The following ZNF546 variants were observed in gnomAD, a reference collection of about 807,000 sequenced individuals.
ZNF546 encodes the protein zinc finger protein 546.
ZNF546 carries 60 observed loss-of-function variants against 76.2 expected under a neutral mutation model. The ratio of observed to expected loss-of-function variants is 0.79; its 90% CI spans 0.64 to 0.98. The LOEUF (loss-of-function observed/expected upper bound fraction) is 0.98, where lower values mean the gene tolerates loss of function less well. ZNF546 is among the 50% of genes least tolerant of loss of function. The pLI, the probability that ZNF546 is intolerant of heterozygous loss-of-function variation, is 0.00. For missense variants in ZNF546, 936 were observed against 1,035.6 expected (o/e 0.90, Z 1.32); for synonymous variants, 277 against 328.1 (o/e 0.84, Z 1.68).
At chr19:40,005,145 AGCAGCTGGGATTACAG>A (rs988646361) in intron 3 of ZNF546, among the ~76,000 whole-genome samples, 2 of 150,586 alleles carry the variant, frequency 1.3e-5, no homozygotes, top group African/African-American at 4.9e-5. Flanking sequence ...TAGGCTCCTA[AGCAGCTGGGATTACAG>A]GCATGTGCCA....
Position 39,998,305 on chromosome 19 carries a change from C to T in ZNF546, c.-22C>T, listed in dbSNP as rs1971481082. On this transcript the variant is annotated 5_prime_UTR_variant, in exon 3 of 7. Transcript: ENST00000347077. Reference sequence around the variant, plus strand: ...TGTCCAGTGACCTATCCCAGGCCTTCCTTTCCAGTGAACAATGGACCATGC... The same window carrying T: ...TGTCCAGTGACCTATCCCAGGCCTTTCTTTCCAGTGAACAATGGACCATGC... The T allele has an allele frequency of 6.2e-7, 1 of 1,605,568 alleles. No homozygotes were observed.
At chr19:40,006,540 A>AT (rs1971604517) in intron 4 of ZNF546, among the ~76,000 whole-genome samples, 2 of 152,162 alleles carry the variant, frequency 1.3e-5, no homozygotes, top group African/African-American at 4.8e-5. Flanking sequence ...ACAAAAGTCA[A>AT]TTTTGTGGTT....
chr19:40,000,615 CAAAA>C (rs550470156), intron 3 of ZNF546, among the ~76,000 whole-genome samples: 3 of 56,786 alleles, frequency 5.3e-5, no homozygotes, highest in African/African-American at 1.2e-4. Context: ...GACTCTGTCT[CAAAA>C]AAAAAAAAAA....
intron 3 of ZNF546, chr19:39,998,682 A>C (rs1971487333): frequency 7.2e-6 from 3 of 419,274 alleles, no homozygotes; most frequent in Non-Finnish European, 4.3e-6. Context: ...GGAATCCATG[A>C]GTTGAGATTT....
In ZNF546 at chr19:40,012,201, C is replaced by CCA. The variant is rs149915316; in HGVS notation, c.395-1455_395-1454dup. Among the ~76,000 whole-genome samples the CCA allele has an allele frequency of 6.6e-3, 1,010 of 152,178 alleles. 5 individuals carry two copies. The highest frequency in any genetic ancestry group is 0.012 in the Non-Finnish European group (791 of 67,996). ...CAGAGACAAAGAGAAGGAACAGTAG[C>CCA]CACACACACAGGGCAAATGTAAACA... On this transcript the variant is annotated intron_variant, in intron 6 of 6. Coordinates refer to ENST00000347077, the MANE Select transcript of ZNF546 (RefSeq NM_178544.5).
At chr19:40,013,068 C>A (rs1050454473) in intron 6 of ZNF546, among the ~76,000 whole-genome samples, 1 of 152,202 alleles carries the variant, frequency 6.6e-6, no homozygotes, top group African/African-American at 2.4e-5. Context: ...CTGCCTCAGC[C>A]TCCCAAAGTG....
Position 40,015,778 on chromosome 19 carries a change from G to A in ZNF546, c.2508G>A (p.Met836Ile), listed in dbSNP as rs763276048. The A allele has an allele frequency of 2.3e-5, 37 of 1,612,106 alleles. No individual in the cohort carries two copies. The highest frequency in any genetic ancestry group is 2.9e-5 in the Non-Finnish European group (34 of 1,178,984). The change falls in exon 7 of 7, where the codon ATG (methionine) becomes ATA (isoleucine). Residue 836 changes from methionine (M) to isoleucine (I), a missense_variant. Physicochemically the swap from Met to Ile is conservative, Grantham distance 10. Transcript: ENST00000347077. ...TTAGTGAGGAAGTCCTATGCATAAT[G>A]TAAAGAGAATACGATGGCCTTTAGA... ...NHISEEVLCIM is the reference protein window; with the variant it reads ...NHISEEVLCII
chr19:40,015,658 C>G lies in ZNF546; in HGVS notation c.2388C>G (p.His796Gln), dbSNP rs1275888636. 6.2e-7 allele frequency: 1 copy of G among 1,613,986 alleles called. No individual in the cohort carries two copies. The highest frequency in any genetic ancestry group is 8.5e-7 in the Non-Finnish European group (1 of 1,180,008). Residue 796 changes from histidine to glutamine, a missense_variant, in exon 7 of 7, where the codon CAC becomes CAG. His to Gln is a conservative substitution (Grantham distance 24). Transcript: ENST00000347077. ...FSVNSELTRH[H>Q]RIHTGEKPYQ... is the part of the protein sequence containing the mutation. ...TTAATTCAGAACTTACTCGACATCA[C>G]AGAATTCATACTGGTGAAAAACCCT...
chr19:40,010,742 G>GA (rs1971660348), intron 6 of ZNF546, among the ~76,000 whole-genome samples: 1 of 152,042 alleles, frequency 6.6e-6, no homozygotes, highest in African/African-American at 2.4e-5. Context: ...GAATGCAGTG[G>GA]TGCGACCTCG....
chr19:40,007,321 G>A lies in ZNF546; in HGVS notation c.219G>A (p.Glu73=). Residue 73 remains glutamate, a synonymous_variant, in exon 5 of 7, where the codon GAG becomes GAA. Transcript: ENST00000347077. ...RDVSIDLSQE[E]WECLDAVQRD... is the part of the protein sequence containing the mutation. ...TGTCCATAGACCTCTCCCAAGAGGA[G>A]TGGGAGTGCCTGGACGCTGTGCAGA... 6.2e-7 allele frequency: 1 copy of A among 1,605,736 alleles called. No individual in the cohort carries two copies. Among genetic ancestry groups the A allele is most frequent in the Non-Finnish European group, 8.5e-7 (1 of 1,175,022 alleles).
rs777738641 is a variant in ZNF546 at position 39,998,423 on chromosome 19, A to C, written c.84+13A>C. 1 of 1,603,402 alleles carries C rather than the reference A, an allele frequency of 6.2e-7. No homozygotes were observed. The highest frequency in any genetic ancestry group is 1.3e-5 in the African/African-American group (1 of 74,858). On this transcript the variant is annotated intron_variant, in intron 3 of 6. Transcript: ENST00000347077. ...ACTTTCTATAATGGTAGAGAAATGC[A>C]TATCCTGGAGTCTAAAGTTAAAACT...
At chr19:40,003,308 A>G (rs1248845586) in intron 3 of ZNF546, among the ~76,000 whole-genome samples, 1 of 152,176 alleles carries the variant, frequency 6.6e-6, no homozygotes, top group Admixed American at 6.5e-5. Flanking sequence ...AAGTGCTGGG[A>G]TTACAGGCGT....
rs747751332 is a variant in ZNF546, at chr19:40,015,284, A to C, written c.2014A>C (p.Lys672Gln). The C allele has an allele frequency of 6.2e-7, 1 of 1,614,010 alleles. No homozygotes were observed. The highest frequency in any genetic ancestry group is 2.2e-5 in the East Asian group (1 of 44,882). ...ACCCTACGAATGTACGGAATGTGGG[A>C]AGACGTTTAGTCGGCACTATCATCT... ...EKPYECTECG[K>Q]TFSRHYHLTQ... Residue 672 changes from lysine (K) to glutamine (Q), a missense_variant, in exon 7 of 7, where the codon AAG becomes CAG. By Grantham distance (53) the Lys-to-Gln change is moderately conservative. Transcript: ENST00000347077.
At chr19:40,001,522 T>C (rs1165196702) in intron 3 of ZNF546, among the ~76,000 whole-genome samples, 3 of 152,006 alleles carry the variant, frequency 2.0e-5, no homozygotes, top group Non-Finnish European at 4.4e-5. Context: ...CTACCACACC[T>C]GGCTAATTTT....
chr19:39,998,576 A>T, intron 3 of ZNF546, 166 bp downstream of exon 3: 1 of 583,656 alleles, frequency 1.7e-6, no homozygotes. Context: ...AGCAAGTGAT[A>T]ATGGTCGCCT....
Position 40,015,167 on chromosome 19 carries a change from G to T in ZNF546, c.1897G>T (p.Gly633Cys). Residue 633 changes from glycine (G) to cysteine (C), a missense_variant, in exon 7 of 7, where the codon GGT becomes TGT. Transcript: ENST00000347077. The stretch of plus-strand genomic sequence containing the variant: ...TACTCAGCATCACAGAATTCATACT[G>T]GTGAAAAACCCTATAAATGTACAGA... The part of the protein sequence containing the change: ...ELTQHHRIHT[G>C]EKPYKCTECG... 6.2e-7 allele frequency: 1 copy of T among 1,613,286 alleles called. No homozygotes were observed. The highest frequency in any genetic ancestry group is 8.5e-7 in the Non-Finnish European group (1 of 1,179,880).
In ZNF546 at chr19:40,017,335, A is replaced by C. The variant is rs1971784487; in HGVS notation, c.*1554A>C. On this transcript the variant is annotated 3_prime_UTR_variant, in exon 7 of 7. Coordinates refer to ENST00000347077, the MANE Select transcript of ZNF546 (RefSeq NM_178544.5). ...TCAGTCGCTTTTTCTGCCCACAATG[A>C]TAAATTAAAAACAGCCACTATCCAT... The C allele has an allele frequency of 6.6e-6, 1 of 152,180 alleles. No homozygotes were observed. Among genetic ancestry groups the C allele is most frequent in the African/African-American group, 2.4e-5 (1 of 41,414 alleles). The allele number at this position is 152,180 out of a possible 1,614,324, so 9.4% of individuals were successfully genotyped here.
intron 4 of ZNF546, among the ~76,000 whole-genome samples, chr19:40,006,905 C>T (rs1030252680): frequency 1.3e-5 from 2 of 152,108 alleles, no homozygotes; most frequent in Admixed American, 6.6e-5. Context: ...AACGAAATCA[C>T]GTAATGTCAG....
intron 3 of ZNF546, among the ~76,000 whole-genome samples, chr19:40,002,547 G>A (rs762120990): frequency 1.6e-4 from 24 of 152,140 alleles, no homozygotes; most frequent in Non-Finnish European, 3.1e-4. Context: ...CAGGTCACAG[G>A]CCTTGGGAGT....
Sources: allele counts gnomAD v4.1 joint callset (sites outside exome capture counted in the v4.1 genomes callset), GRCh38; gene constraint gnomAD v4.1.1; transcripts MANE v1.5; gene names NCBI Gene and HGNC (gene_info 2026-07-23, HGNC 2026-07-21).